CRACD: variants seen among roughly 807,000 people sequenced by gnomAD.
CRACD encodes capping protein inhibiting regulator of actin dynamics.
CRACD carries 56 observed loss-of-function variants against 106.8 expected under a neutral mutation model. That is an observed-to-expected ratio of 0.52 (90% CI 0.42 to 0.66). The LOEUF (loss-of-function observed/expected upper bound fraction) is 0.66, where lower values mean the gene tolerates loss of function less well. CRACD is among the 30% of genes least tolerant of loss of function. The pLI is 0.00. For missense variants in CRACD, 1,730 were observed against 1,623.2 expected (o/e 1.07, Z -1.13); for synonymous variants, 754 against 670.8 (o/e 1.12, Z -1.92).
intron 2 of CRACD, among the ~76,000 whole-genome samples, chr4:56,252,455 G>T (rs1218240385): frequency 6.6e-6 from 1 of 152,162 alleles, no homozygotes; most frequent in Admixed American, 6.5e-5. Flanking sequence ...CTTTCTGTGG[G>T]TTCACTGGCA....
At chr4:56,200,859 C>T (rs1367560790) in intron 2 of CRACD, among the ~76,000 whole-genome samples, 1 of 152,118 alleles carries the variant, frequency 6.6e-6, no homozygotes, top group Non-Finnish European at 1.5e-5. Flanking sequence ...CCATAAAATT[C>T]ATCTTTTAAA....
chr4:56,268,864 T>C (rs373315657), intron 2 of CRACD, among the ~76,000 whole-genome samples: 142 of 152,362 alleles, frequency 9.3e-4, no homozygotes, highest in African/African-American at 3.4e-3. Context: ...TCTTAAATAT[T>C]ATTCATTGGA....
At chr4:56,263,310 T>C (rs1741814940) in intron 2 of CRACD, among the ~76,000 whole-genome samples, 2 of 152,116 alleles carry the variant, frequency 1.3e-5, no homozygotes, top group African/African-American at 2.4e-5. Flanking sequence ...AAACAGCAGG[T>C]CCAAGGTGAT....
Position 56,329,551 on chromosome 4 carries a change from T to TATATTGGATATATATC in CRACD, c.*1751_*1752insTGGATATATATCATAT, listed in dbSNP as rs1746675733. ...CTCTTGCAAGTTGGATTTAATATCA[T>TATATTGGATATATATC]ATATACTGGACCTTCAGACTGTTAA... On this transcript the variant is annotated 3_prime_UTR_variant, in exon 11 of 11. Transcript: ENST00000682029. 6.6e-6 allele frequency among the ~76,000 whole-genome samples: 1 copy of TATATTGGATATATATC among 152,208 alleles called. No individual in the cohort carries two copies. The highest frequency in any genetic ancestry group is 1.5e-5 in the Non-Finnish European group (1 of 68,038).
In CRACD at chr4:56,323,431, A is replaced by C. The variant is rs763074436; in HGVS notation, c.3242A>C (p.Lys1081Thr). The change falls in exon 9 of 11, where the codon AAA (lysine) becomes ACA (threonine). Residue 1081 changes from lysine (K) to threonine (T), a missense_variant. Lys to Thr is a moderately conservative substitution (Grantham distance 78). Around this residue, in one of 5 missense-constraint regions of CRACD, gnomAD observed 1,620 missense variants for 1,481.6 expected, o/e 1.09. Transcript: ENST00000682029. ...HSLDGSKLTE[K>T]VETAQPLWIT... ...TTAGATGGCTCCAAACTTACAGAGA[A>C]AGTGGAAACTGCTCAGCCGCTGTGG... is the stretch of plus-strand genomic sequence containing the variant. The C allele has an allele frequency of 2.9e-5, 47 of 1,611,228 alleles. No homozygotes were observed. Among genetic ancestry groups the C allele is most frequent in the Non-Finnish European group, 3.8e-5 (45 of 1,179,346 alleles).
intron 3 of CRACD, among the ~76,000 whole-genome samples, chr4:56,290,283 AT>A (rs1743632330): frequency 6.6e-6 from 1 of 152,170 alleles, no homozygotes; most frequent in African/African-American, 2.4e-5. Flanking sequence ...AGGTTTTTGC[AT>A]TTTATCTTCC....
chr4:56,057,511 G>C (rs1732116774), intron 1 of CRACD, among the ~76,000 whole-genome samples: 1 of 152,068 alleles, frequency 6.6e-6, no homozygotes, highest in Non-Finnish European at 1.5e-5. Flanking sequence ...CAGAGGTCCT[G>C]CATTAAAATA....
chr4:56,312,396 C>T (rs1022395732), intron 6 of CRACD, among the ~76,000 whole-genome samples: 1 of 152,160 alleles, frequency 6.6e-6, no homozygotes, highest in African/African-American at 2.4e-5. Flanking sequence ...CTCCTGGCCT[C>T]AAGTGATCTG....
At chr4:56,129,521 A>T (rs1560459370) in intron 1 of CRACD, among the ~76,000 whole-genome samples, 1 of 152,204 alleles carries the variant, frequency 6.6e-6, no homozygotes, top group Non-Finnish European at 1.5e-5. Context: ...TTTTAAGACC[A>T]ACTCCCTGGA....
At chr4:56,320,180 A>G (rs776105804) in intron 8 of CRACD, among the ~76,000 whole-genome samples, 10 of 151,822 alleles carry the variant, frequency 6.6e-5, no homozygotes, top group African/African-American at 4.8e-5. Context: ...TACACCTAGC[A>G]TCTCATTCTG....
At chr4:56,065,913 C>T (rs1732451087) in intron 1 of CRACD, among the ~76,000 whole-genome samples, 2 of 152,166 alleles carry the variant, frequency 1.3e-5, no homozygotes, top group African/African-American at 2.4e-5. Flanking sequence ...ATTCCTGATT[C>T]CCTCATGTAA....
chr4:56,267,144 G>T (rs945463606), intron 2 of CRACD, among the ~76,000 whole-genome samples: 2 of 148,842 alleles, frequency 1.3e-5, no homozygotes, highest in Non-Finnish European at 1.5e-5. Flanking sequence ...TTTTTGAGAC[G>T]GAGTCTCGCA....
intron 2 of CRACD, among the ~76,000 whole-genome samples, chr4:56,270,547 T>C: frequency 6.6e-6 from 1 of 152,178 alleles, no homozygotes; most frequent in East Asian, 1.9e-4. Context: ...GTGCGTTTTG[T>C]GCAGGTGTTT....
chr4:56,158,885 C>T (rs1735848966), intron 1 of CRACD, among the ~76,000 whole-genome samples: 1 of 152,268 alleles, frequency 6.6e-6, no homozygotes, highest in Non-Finnish European at 1.5e-5. Flanking sequence ...TACAAGCCTG[C>T]ACGCTTTCTC....
At chr4:56,150,615 C>T (rs1385136347) in intron 1 of CRACD, among the ~76,000 whole-genome samples, 1 of 152,178 alleles carries the variant, frequency 6.6e-6, no homozygotes, top group African/African-American at 2.4e-5. Flanking sequence ...TAAAGTATTA[C>T]CAGCTAAACA....
chr4:56,065,299 G>A (rs1436099936), intron 1 of CRACD, among the ~76,000 whole-genome samples: 1 of 152,036 alleles, frequency 6.6e-6, no homozygotes, highest in East Asian at 1.9e-4. Context: ...TATTGGTCAG[G>A]CTGGTCTCAA....
chr4:56,228,297 T>C lies in CRACD; in HGVS notation c.-188-44024T>C, dbSNP rs1013960420. Among the ~76,000 whole-genome samples the C allele has an allele frequency of 2.6e-5, 4 of 152,090 alleles. No homozygotes were observed. In the East Asian group the frequency reaches 7.7e-4, roughly 29 times the overall value. The stretch of plus-strand genomic sequence containing the variant: ...ATAACACTCTTTATGAGAAAAAAAT[T>C]TGGTCTTCTAACAGAAACAAGACTT... On this transcript the variant is annotated intron_variant, in intron 2 of 10. Coordinates refer to ENST00000682029, the MANE Select transcript of CRACD (RefSeq NM_001393381.1).
intron 1 of CRACD, among the ~76,000 whole-genome samples, chr4:56,149,359 A>G (rs1735507774): frequency 6.6e-6 from 1 of 152,214 alleles, no homozygotes; most frequent in African/African-American, 2.4e-5. Context: ...AAATCAGTAC[A>G]AAGATCTAGC....
At chr4:56,219,790 G>T (rs1485872707) in intron 2 of CRACD, among the ~76,000 whole-genome samples, 1 of 152,162 alleles carries the variant, frequency 6.6e-6, no homozygotes, top group African/African-American at 2.4e-5. Flanking sequence ...ATACCTTCTA[G>T]CTTAAAGTCC....
Sources: gnomAD v4.1 joint callset for allele counts (sites outside exome capture counted in the v4.1 genomes callset) on GRCh38, gnomAD v4.1.1 for gene constraint, gnomAD v4.1.1 regional missense constraint, MANE v1.5 for transcripts, NCBI Gene and HGNC (gene_info 2026-07-23, HGNC 2026-07-21) for gene names.